Variants in ADAMTSL1 observed in about 807,000 individuals in gnomAD.
ADAMTSL1 encodes the protein ADAMTS like 1, also known as ADAMTS-like protein 1.
ADAMTSL1 carries 126 observed loss-of-function variants against 201.8 expected under a neutral mutation model. The observed-to-expected ratio is 0.62, with a 90% CI of 0.54 to 0.72. The LOEUF (loss-of-function observed/expected upper bound fraction) is 0.72. ADAMTSL1 is among the 30% of genes least tolerant of loss of function. The probability of loss-of-function intolerance (pLI) is 0.00; values close to 1 mark genes in which losing one functional copy is unlikely to be tolerated. For synonymous variants in ADAMTSL1, 1,121 were observed against 903.4 expected (o/e 1.24, Z -4.32); for missense variants, 2,679 against 2,277.8 (o/e 1.18, Z -3.59).
At chr9:17,994,294 G>T (rs1300532679) in intron 1 of ADAMTSL1, among the ~76,000 whole-genome samples, 1 of 152,076 alleles carries the variant, frequency 6.6e-6, no homozygotes, top group African/African-American at 2.4e-5. Context: ...GATATTTGTG[G>T]AGTATCTGTC....
intron 2 of ADAMTSL1, among the ~76,000 whole-genome samples, chr9:18,200,072 A>G (rs1406397139): frequency 2.0e-5 from 3 of 152,178 alleles, no homozygotes; most frequent in African/African-American, 7.2e-5. Flanking sequence ...TTGAGAGAGA[A>G]GAGGAACCCA....
At chr9:18,182,212 G>A (rs563525776) in intron 2 of ADAMTSL1, among the ~76,000 whole-genome samples, 14 of 150,766 alleles carry the variant, frequency 9.3e-5, no homozygotes, top group Admixed American at 3.3e-4. Context: ...TGGGTGCAGC[G>A]CACCAGCATG....
chr9:18,732,763 G>C (rs1371933196), intron 15 of ADAMTSL1, among the ~76,000 whole-genome samples: 1 of 152,180 alleles, frequency 6.6e-6, no homozygotes, highest in Non-Finnish European at 1.5e-5. Flanking sequence ...GCCACATCAT[G>C]GTAGAGTTAA....
intron 2 of ADAMTSL1, among the ~76,000 whole-genome samples, chr9:18,335,964 G>T (rs556299653): frequency 6.6e-6 from 1 of 152,106 alleles, no homozygotes; most frequent in Non-Finnish European, 1.5e-5. Flanking sequence ...TTTTACAGGA[G>T]AGAATAATTA....
chr9:18,909,841 C>CAG lies in ADAMTSL1; in HGVS notation c.*1293_*1294insAG, dbSNP rs1453609697. The CAG allele has an allele frequency of 5.3e-5, 8 of 152,166 alleles. No homozygotes were observed. Among genetic ancestry groups the CAG allele is most frequent in the South Asian group, 2.1e-4 (1 of 4,830 alleles). 9.4% of individuals were successfully genotyped at this position (152,166 alleles called of 1,614,324 possible). ...GCAAGGCGGGGTGGTGGAGGCAGCA[C>CAG]CCTGGCAAAGCAGCTCACACACTGC... On this transcript the variant is annotated 3_prime_UTR_variant, in exon 29 of 29. Transcript: ENST00000380548.
At chr9:18,657,569 T>C in intron 7 of ADAMTSL1, 70 bp from the exon 8 acceptor site, 3 of 1,196,732 alleles carry the variant, frequency 2.5e-6, no homozygotes, top group Non-Finnish European at 3.7e-6. Context: ...TATACTCTTG[T>C]TCGAAGCTGC....
chr9:18,635,644 A>G (rs1827062218), intron 5 of ADAMTSL1, among the ~76,000 whole-genome samples: 2 of 152,320 alleles, frequency 1.3e-5, no homozygotes, highest in East Asian at 1.9e-4. Context: ...GTTTTTGATC[A>G]TATAAGACCA....
intron 9 of ADAMTSL1, among the ~76,000 whole-genome samples, chr9:18,672,528 C>G (rs906138231): frequency 6.6e-5 from 10 of 152,112 alleles, no homozygotes; most frequent in African/African-American, 2.2e-4. Context: ...ATGTATACAT[C>G]TGTGTGTATA....
chr9:18,527,382 C>T (rs960261105), intron 2 of ADAMTSL1, among the ~76,000 whole-genome samples: 4 of 152,126 alleles, frequency 2.6e-5, no homozygotes, highest in African/African-American at 4.8e-5. Context: ...AATGTATTGA[C>T]ATCAGGTATA....
chr9:18,729,785 C>T (rs1380524823), intron 15 of ADAMTSL1, among the ~76,000 whole-genome samples: 1 of 152,168 alleles, frequency 6.6e-6, no homozygotes, highest in Admixed American at 6.5e-5. Context: ...TCTTGGATGC[C>T]TTAAGTGCTG....
intron 1 of ADAMTSL1, among the ~76,000 whole-genome samples, chr9:18,124,361 G>A (rs113095102): frequency 0.2 from 30,483 of 151,962 alleles, 3,663 homozygotes; most frequent in Non-Finnish European, 0.27. Flanking sequence ...GATTACAGGT[G>A]TGCGCCACCA....
intron 3 of ADAMTSL1, among the ~76,000 whole-genome samples, chr9:18,546,522 C>A (rs566240346): frequency 1.6e-4 from 24 of 152,182 alleles, no homozygotes; most frequent in African/African-American, 5.5e-4. Flanking sequence ...TACCAACATC[C>A]CTTTCCCAAG....
At chr9:18,294,755 G>T (rs1324638452) in intron 2 of ADAMTSL1, among the ~76,000 whole-genome samples, 1 of 152,102 alleles carries the variant, frequency 6.6e-6, no homozygotes, top group Non-Finnish European at 1.5e-5. Flanking sequence ...GAATTTTTCA[G>T]AATAAAGTCA....
chr9:17,947,523 A>T (rs1216173898), intron 1 of ADAMTSL1, among the ~76,000 whole-genome samples: 1 of 152,142 alleles, frequency 6.6e-6, no homozygotes, highest in South Asian at 2.1e-4. Flanking sequence ...TATCACAAAA[A>T]CAAATACATT....
rs201994618 is a variant in ADAMTSL1, at chr9:18,133,651, A to G, written c.88-30211A>G. Reference sequence around the variant, plus strand: ...CCCATTCAAGGTCTGATAGCCCAGGAACCTGCATTCACACCCAGGTCCCTA... The same window carrying G: ...CCCATTCAAGGTCTGATAGCCCAGGGACCTGCATTCACACCCAGGTCCCTA... On this transcript the variant is annotated intron_variant, in intron 1 of 29. Coordinates refer to the ADAMTSL1 transcript ENST00000680146. 1.7e-3 allele frequency among the ~76,000 whole-genome samples: 260 copies of G among 152,184 alleles called. 1 individual carries two copies. Among genetic ancestry groups the G allele is most frequent in the Non-Finnish European group, 2.5e-3 (169 of 68,016 alleles).
intron 3 of ADAMTSL1, among the ~76,000 whole-genome samples, chr9:18,557,603 A>T (rs147493698): frequency 7.2e-5 from 11 of 152,052 alleles, no homozygotes; most frequent in Admixed American, 7.2e-4. Flanking sequence ...ACTGACAACC[A>T]AAAAGAAGTT....
At chr9:18,146,418 G>T (rs568723973) in intron 1 of ADAMTSL1, among the ~76,000 whole-genome samples, 1 of 152,094 alleles carries the variant, frequency 6.6e-6, no homozygotes, top group Non-Finnish European at 1.5e-5. Flanking sequence ...CCATGCAAAG[G>T]TATTGATGAA....
chr9:18,563,755 G>A (rs772264667), intron 3 of ADAMTSL1, among the ~76,000 whole-genome samples: 1 of 152,218 alleles, frequency 6.6e-6, no homozygotes. Flanking sequence ...CAGCAGCTTT[G>A]CGTAGCTGCG....
At chr9:18,907,114 A>C in intron 28 of ADAMTSL1, 1 of 598,648 alleles carries the variant, frequency 1.7e-6, no homozygotes, top group Non-Finnish European at 2.9e-6. Context: ...GTATGCCCCA[A>C]GGGCTTCCAT....
Sources: allele counts gnomAD v4.1 joint callset (sites outside exome capture counted in the v4.1 genomes callset), GRCh38; gene constraint gnomAD v4.1.1; transcripts MANE v1.5; gene names NCBI Gene and HGNC (gene_info 2026-07-23, HGNC 2026-07-21).